The following C12orf56 variants were observed in gnomAD, a reference collection of about 807,000 sequenced individuals.
The protein encoded by C12orf56 is uncharacterized protein C12orf56.
Under a neutral mutation model 69.9 loss-of-function variants are expected in C12orf56, and 71 were observed. That is an observed-to-expected ratio of 1.02 (90% CI 0.84 to 1.24). C12orf56 has a LOEUF of 1.24. Among genes scored for constraint, C12orf56 ranks in the 50% most tolerant of loss-of-function variants. The pLI, the probability that C12orf56 is intolerant of heterozygous loss-of-function variation, is 0.00. For missense variants in C12orf56, 732 were observed against 738.5 expected, an observed-to-expected ratio of 0.99 and a Z score of 0.10; for synonymous variants, 276 against 274.1, an observed-to-expected ratio of 1.01 and a Z score of -0.07.
At chr12:64,272,744 C>G (rs865923528) in intron 11 of C12orf56, among the ~76,000 whole-genome samples, 1 of 152,180 alleles carries the variant, frequency 6.6e-6, no homozygotes, top group Non-Finnish European at 1.5e-5. Flanking sequence ...ATGACTATAA[C>G]TTTCAAACAT....
chr12:64,369,207 C>CT (rs990072922), intron 1 of C12orf56, among the ~76,000 whole-genome samples: 16 of 149,376 alleles, frequency 1.1e-4, no homozygotes, highest in South Asian at 6.4e-4. Flanking sequence ...AGTTAAATGT[C>CT]TTTTTTTTTA....
intron 2 of C12orf56, among the ~76,000 whole-genome samples, chr12:64,336,896 C>A (rs142727226): frequency 5.3e-5 from 8 of 152,134 alleles, no homozygotes; most frequent in African/African-American, 1.7e-4. Context: ...AAGTCAGCCA[C>A]CCCAGCTGTG....
At chr12:64,340,686 A>C (rs1361489330) in intron 2 of C12orf56, among the ~76,000 whole-genome samples, 2 of 152,230 alleles carry the variant, frequency 1.3e-5, no homozygotes, top group African/African-American at 4.8e-5. Context: ...ATGCACAAAC[A>C]TGTTTTTAAC....
Position 64,270,657 on chromosome 12 carries a change from G to T in C12orf56, c.1642C>A (p.Gln548Lys), listed in dbSNP as rs1198113674. The T allele has an allele frequency of 6.2e-7, 1 of 1,613,556 alleles. No homozygotes were observed. The highest frequency in any genetic ancestry group is 1.3e-5 in the African/African-American group (1 of 74,914). ...ACTGCTTGGCAGGGACTTAGCAGCT[G>T]AAATGAAGCTGAAAGACCCCTCACC... ...QVVRGLSASFQLLSPCQAVLL... is the reference protein window; with the variant it reads ...QVVRGLSASFKLLSPCQAVLL... The change falls in exon 12 of 13, where the codon CAG becomes AAG. Residue 548 changes from glutamine to lysine, a missense_variant. Transcript: ENST00000543942.
At chr12:64,387,390 C>T (rs1388921090) in intron 1 of C12orf56, among the ~76,000 whole-genome samples, 1 of 152,178 alleles carries the variant, frequency 6.6e-6, no homozygotes, top group African/African-American at 2.4e-5. Flanking sequence ...ATTACACATT[C>T]TTTATGCCTG....
intron 9 of C12orf56, among the ~76,000 whole-genome samples, chr12:64,276,003 C>CCG (rs369349502): frequency 2.3e-5 from 2 of 88,762 alleles, no homozygotes; most frequent in Admixed American, 1.1e-4. Context: ...AAATACACAC[C>CCG]CCCCCCCGCG....
intron 1 of C12orf56, among the ~76,000 whole-genome samples, chr12:64,384,883 G>C (rs1352760967): frequency 6.6e-6 from 1 of 151,896 alleles, no homozygotes; most frequent in Non-Finnish European, 1.5e-5. Context: ...GTGAAACCCC[G>C]TCTCTACTAA....
At chr12:64,381,140 C>A (rs1479498477) in intron 1 of C12orf56, among the ~76,000 whole-genome samples, 1 of 151,864 alleles carries the variant, frequency 6.6e-6, no homozygotes, top group Non-Finnish European at 1.5e-5. Flanking sequence ...TGGGTGGGGG[C>A]AGTGAGTCAG....
At chr12:64,284,089 G>C (rs1374928331) in intron 8 of C12orf56, among the ~76,000 whole-genome samples, 1 of 151,850 alleles carries the variant, frequency 6.6e-6, no homozygotes, top group South Asian at 2.1e-4. Context: ...GTAGAGACAG[G>C]GTTTCACCAT....
In C12orf56 at chr12:64,380,116, AAAAAAAAAAAAAAAAAAAC is replaced by A. The variant is rs1565783041; in HGVS notation, c.252+10179_252+10197del. Among the ~76,000 whole-genome samples, 21 of 78,338 alleles carry A rather than the reference AAAAAAAAAAAAAAAAAAAC, an allele frequency of 2.7e-4. 1 individual carries two copies. The highest frequency in any genetic ancestry group is 8.2e-4 in the African/African-American group (20 of 24,376). The allele number at this position is 78,338 out of a possible 152,430, so 51.4% of individuals were successfully genotyped here. ...CAAGACTCCGTCGCAAAAAAAAAAA[AAAAAAAAAAAAAAAAAAAC>A]AAAACAAACAAAAAAAAACGCACAA... On this transcript the variant is annotated intron_variant, in intron 1 of 12. Transcript: ENST00000543942.
At chr12:64,333,039 A>C (rs1219425987) in intron 2 of C12orf56, among the ~76,000 whole-genome samples, 1 of 152,246 alleles carries the variant, frequency 6.6e-6, no homozygotes, top group South Asian at 2.1e-4. Context: ...TTCACAAATA[A>C]TGGTACAAAA....
At chr12:64,281,319 C>T (rs2038123819) in intron 8 of C12orf56, among the ~76,000 whole-genome samples, 1 of 151,796 alleles carries the variant, frequency 6.6e-6, no homozygotes, top group East Asian at 1.9e-4. Flanking sequence ...GCCTATAATC[C>T]TAGCACTTTG....
chr12:64,390,613 C>T lies in C12orf56; in HGVS notation c.-48G>A, dbSNP rs1489387926. 2 of 1,423,000 alleles carry T rather than the reference C, an allele frequency of 1.4e-6. No homozygotes were observed. Among genetic ancestry groups the T allele is most frequent in the Admixed American group, 3.1e-5 (1 of 32,684 alleles). The allele number at this position is 1,423,000 out of a possible 1,614,324, so 88.1% of individuals were successfully genotyped here. A position where few individuals can be genotyped will look rare whatever the true frequency, so the allele number is the denominator to read the frequency against. On this transcript the variant is annotated 5_prime_UTR_variant, in exon 1 of 13. Transcript: ENST00000543942. ...GAGTGCTGGGACTCGAGGCCCTCAG[C>T]TCGCCCTCTCCCCGCCCCCGCGCTG...
At chr12:64,375,674 C>T (rs1351921432) in intron 1 of C12orf56, among the ~76,000 whole-genome samples, 3 of 152,134 alleles carry the variant, frequency 2.0e-5, no homozygotes, top group Admixed American at 6.6e-5. Context: ...TTTGGAAGAA[C>T]TCAACATCAA....
chr12:64,304,100 T>G (rs2038482078), intron 5 of C12orf56, among the ~76,000 whole-genome samples: 1 of 152,226 alleles, frequency 6.6e-6, no homozygotes, highest in South Asian at 2.1e-4. Flanking sequence ...AATATTTTTC[T>G]TTCAATCAAC....
At chr12:64,306,100 A>G (rs1218664408) in intron 5 of C12orf56, among the ~76,000 whole-genome samples, 2 of 152,190 alleles carry the variant, frequency 1.3e-5, no homozygotes, top group Non-Finnish European at 2.9e-5. Flanking sequence ...AGAAAACAGC[A>G]TACTAATCTC....
chr12:64,374,880 A>G (rs1233113892), intron 1 of C12orf56, among the ~76,000 whole-genome samples: 2 of 152,062 alleles, frequency 1.3e-5, no homozygotes, highest in African/African-American at 4.8e-5. Context: ...GTACATGTGC[A>G]GAATGTGCAG....
At position 64,299,333 on chromosome 12, in the gene C12orf56, G is replaced by A. The variant is rs374692721; in HGVS notation, c.1113+4302C>T. On this transcript the variant is annotated intron_variant, in intron 6 of 12. Coordinates refer to ENST00000543942, the MANE Select transcript of C12orf56 (RefSeq NM_001170633.2). ...TATACAATCATGTCATCTGTGAACA[G>A]AGACAATTTGACTTCCCCTTTTCCT... 5.3e-5 allele frequency among the ~76,000 whole-genome samples: 8 copies of A among 152,326 alleles called. No individual in the cohort carries two copies. In the East Asian group the frequency reaches 1.5e-3, roughly 29 times the overall value.
Position 64,267,192 on chromosome 12 carries a change from C to T in C12orf56, c.1860G>A (p.Leu620=). 1 of 1,603,110 alleles carries T rather than the reference C, an allele frequency of 6.2e-7. No homozygotes were observed. Among genetic ancestry groups the T allele is most frequent in the East Asian group, 2.2e-5 (1 of 44,764 alleles). Residue 620 remains leucine (L), a synonymous_variant, in exon 13 of 13, where the codon TTG becomes TTA. Transcript: ENST00000543942. ...TIQLFHEVLK[L]VE ...CGTACATTGTTTGTTTCTATTCAACCAATTTCAGAACTTCATGAAAAAGTT... is the reference window on the plus strand; with the variant it reads ...CGTACATTGTTTGTTTCTATTCAACTAATTTCAGAACTTCATGAAAAAGTT...
Sources: gnomAD v4.1 joint callset for allele counts (sites outside exome capture counted in the v4.1 genomes callset) on GRCh38, gnomAD v4.1.1 for gene constraint, MANE v1.5 for transcripts, NCBI Gene and HGNC (gene_info 2026-07-23, HGNC 2026-07-21) for gene names.